ASS1: variants seen among roughly 807,000 people sequenced by gnomAD.
The protein encoded by ASS1 is argininosuccinate synthase.
In ASS1, 58 loss-of-function variants were observed where a neutral mutation model predicts 60.5. The ratio of observed to expected loss-of-function variants is 0.96; its 90% confidence interval spans 0.78 to 1.19. ASS1 has a LOEUF of 1.19. ASS1 is among the 50% of genes most tolerant of loss of function. The pLI is 0.00. For missense variants in ASS1, 454 were observed against 547.3 expected (o/e 0.83, Z 1.70); for synonymous variants, 200 against 206.9 (o/e 0.97, Z 0.29).
rs557990843 is a variant in ASS1 at position 130,497,252 on chromosome 9, A to G, written c.1127+2229A>G. On this transcript the variant is annotated intron_variant, in intron 13 of 14. Coordinates refer to ENST00000352480, the MANE Select transcript of ASS1 (RefSeq NM_054012.4). Reference sequence around the variant, plus strand: ...GGAAAAAAGAGAGAAAAGCAGGAGCATTTATTCTCACTGTGTCTCCGACCA... The same window carrying G: ...GGAAAAAAGAGAGAAAAGCAGGAGCGTTTATTCTCACTGTGTCTCCGACCA... Among the ~76,000 whole-genome samples, 111 of 152,338 alleles carry G rather than the reference A, an allele frequency of 7.3e-4. 1 individual carries two copies. Among genetic ancestry groups the G allele is most frequent in the African/African-American group, 2.4e-3 (98 of 41,576 alleles).
At chr9:130,456,245 CA>C (rs1845446628) in intron 3 of ASS1, among the ~76,000 whole-genome samples, 1 of 152,224 alleles carries the variant, frequency 6.6e-6, no homozygotes, top group African/African-American at 2.4e-5. Flanking sequence ...GCAGGCAGAT[CA>C]CCTGAGGTCA....
At chr9:130,454,498 A>G (rs1333124186) in intron 3 of ASS1, 125 bp downstream of exon 3, 1 of 1,057,132 alleles carries the variant, frequency 9.5e-7, no homozygotes, top group Non-Finnish European at 1.4e-6. Flanking sequence ...AGAGTATGAG[A>G]TCATCCTGCT....
In ASS1 at chr9:130,491,311, G is replaced by C. The variant is rs146469527; in HGVS notation, c.970+1847G>C. ...AGTCATTAAGACGTGGCGGAGGAGA[G>C]AGCACCTGGCCGGGCTGCTCCGGGG... On this transcript the variant is annotated intron_variant, in intron 12 of 14. Coordinates refer to ENST00000352480, the MANE Select transcript of ASS1 (RefSeq NM_054012.4). The surrounding 1 kb of genome is among the most constrained non-coding windows in gnomAD (Gnocchi z 5.3). Among the ~76,000 whole-genome samples the C allele has an allele frequency of 6.6e-6, 1 of 152,202 alleles. No individual in the cohort carries two copies. The highest frequency in any genetic ancestry group is 2.1e-4 in the South Asian group (1 of 4,824).
intron 3 of ASS1, among the ~76,000 whole-genome samples, chr9:130,456,103 A>T (rs1215990): frequency 0.019 from 2,838 of 152,344 alleles, 89 homozygotes; most frequent in African/African-American, 0.065. Context: ...AGTTCTCAAA[A>T]CTTGTGGTCT....
At chr9:130,473,256 A>G (rs1194970414) in intron 8 of ASS1, among the ~76,000 whole-genome samples, 3 of 152,154 alleles carry the variant, frequency 2.0e-5, no homozygotes, top group Non-Finnish European at 4.4e-5. Context: ...CTCCTTGCCC[A>G]AAGTGGGAAA....
intron 6 of ASS1, among the ~76,000 whole-genome samples, chr9:130,469,417 T>C (rs1845819796): frequency 6.6e-6 from 1 of 152,092 alleles, no homozygotes; most frequent in South Asian, 2.1e-4. Flanking sequence ...TCTTCTTTTT[T>C]TTTTCTTTTT....
rs116301216 is a variant in ASS1 at position 130,489,672 on chromosome 9, C to A, written c.970+208C>A. On this transcript the variant is annotated intron_variant, in intron 12 of 14. Transcript: ENST00000352480. The surrounding 1 kb of genome is among the most constrained non-coding windows in gnomAD (Gnocchi z 4.1). ...TGAGGGAGCAAGGGGATGCTAGAACCTGCCTTGCCATGGGGTGTGTCCAGG... is the reference window on the plus strand; with the variant it reads ...TGAGGGAGCAAGGGGATGCTAGAACATGCCTTGCCATGGGGTGTGTCCAGG... 0.011 allele frequency among the ~76,000 whole-genome samples: 1,674 copies of A among 152,316 alleles called. 39 individuals carry two copies. Among genetic ancestry groups the A allele is most frequent in the African/African-American group, 0.038 (1,592 of 41,568 alleles).
At chr9:130,462,292 T>A (rs940930742) in intron 4 of ASS1, among the ~76,000 whole-genome samples, 3 of 152,176 alleles carry the variant, frequency 2.0e-5, no homozygotes, top group African/African-American at 7.2e-5. Context: ...AGTGGGACCG[T>A]GTTTACATGC....
chr9:130,455,704 C>A (rs987907164), intron 3 of ASS1, among the ~76,000 whole-genome samples: 1 of 152,256 alleles, frequency 6.6e-6, no homozygotes, highest in Non-Finnish European at 1.5e-5. Context: ...CATGGAGAAG[C>A]CCTTGCCACT....
At chr9:130,452,503 C>A (rs1446118014) in intron 2 of ASS1, among the ~76,000 whole-genome samples, 170 bp downstream of exon 2, 1 of 152,172 alleles carries the variant, frequency 6.6e-6, no homozygotes. Flanking sequence ...AATAGCTTCT[C>A]GTTGTACTGC....
intron 1 of ASS1, chr9:130,451,754 C>T: frequency 4.6e-6 from 2 of 435,102 alleles, no homozygotes; most frequent in Middle Eastern, 3.5e-4. Flanking sequence ...CTCAGGGGCA[C>T]AGGGAGATCC....
chr9:130,462,327 A>C (rs1313749600), intron 4 of ASS1, among the ~76,000 whole-genome samples: 1 of 152,122 alleles, frequency 6.6e-6, no homozygotes, highest in Non-Finnish European at 1.5e-5. Flanking sequence ...GTGCACAAAT[A>C]TCAGCATGCG....
Position 130,489,240 on chromosome 9 carries a change from TTATTA to T in ASS1, c.839-91_839-87del. ...TCTCCTGTCAGACGACTCATTATTA[TTATTA>T]TTTTTTTTTTTGTCATTTGCTGACA... On this transcript the variant is annotated intron_variant, in intron 11 of 14. Coordinates refer to ENST00000352480, the MANE Select transcript of ASS1 (RefSeq NM_054012.4). The surrounding 1 kb of genome is among the most constrained non-coding windows in gnomAD (Gnocchi z 4.1). 1 of 1,527,332 alleles carries T rather than the reference TTATTA, an allele frequency of 6.5e-7. No individual in the cohort carries two copies. Among genetic ancestry groups the T allele is most frequent in the Non-Finnish European group, 9.0e-7 (1 of 1,114,194 alleles). 94.6% of individuals were successfully genotyped at this position (1,527,332 alleles called of 1,614,324 possible).
At position 130,494,105 on chromosome 9, in the gene ASS1, C is replaced by A. The variant is rs2118878288; in HGVS notation, c.971-762C>A. Reference sequence around the variant, plus strand: ...GAAAGGGGAGAGGCTAAGAGAGTTTCTCTCAGAGTGCTGTCTATGAGGATT... The same window carrying A: ...GAAAGGGGAGAGGCTAAGAGAGTTTATCTCAGAGTGCTGTCTATGAGGATT... On this transcript the variant is annotated intron_variant, in intron 12 of 14. Transcript: ENST00000352480. This position sits in a 1 kb window ranked among gnomAD's most constrained non-coding sequence, Gnocchi z 4.3. Among the ~76,000 whole-genome samples, 1 of 152,320 alleles carries A rather than the reference C, an allele frequency of 6.6e-6. No homozygotes were observed. The highest frequency in any genetic ancestry group is 2.1e-4 in the South Asian group (1 of 4,822).
chr9:130,462,202 C>T (rs111415415), intron 4 of ASS1, among the ~76,000 whole-genome samples: 2,873 of 152,254 alleles, frequency 0.019, 121 homozygotes, highest in African/African-American at 0.065. Flanking sequence ...AGACTCTAGC[C>T]GGGGAGCGAG....
Position 130,489,259 on chromosome 9 carries a change from C to A in ASS1, c.839-74C>A. The A allele has an allele frequency of 1.3e-6, 2 of 1,508,462 alleles. No homozygotes were observed. Among genetic ancestry groups the A allele is most frequent in the Non-Finnish European group, 1.8e-6 (2 of 1,109,640 alleles). The allele number at this position is 1,508,462 out of a possible 1,614,324, so 93.4% of individuals were successfully genotyped here. On this transcript the variant is annotated intron_variant, in intron 11 of 14. Transcript: ENST00000352480. The surrounding 1 kb of genome is among the most constrained non-coding windows in gnomAD (Gnocchi z 4.1). ...TTATTATTATTATTTTTTTTTTTGT[C>A]ATTTGCTGACAGTTTGGGTTTCATG...
chr9:130,452,069 A>C (rs1845339845), intron 1 of ASS1, 155 bp from the exon 2 acceptor site: 1 of 720,888 alleles, frequency 1.4e-6, no homozygotes, highest in African/African-American at 1.7e-5. Flanking sequence ...GGTGGCAGGC[A>C]CTGAAGGTGA....
At position 130,463,168 on chromosome 9, in the gene ASS1, A is replaced by G. The variant is rs187937645; in HGVS notation, c.364-943A>G. On this transcript the variant is annotated intron_variant, in intron 4 of 14. Coordinates refer to ENST00000352480, the MANE Select transcript of ASS1 (RefSeq NM_054012.4). ...TTCCCACCGCTGCCTGGCTGCGCCCATGCAGTTTTCACAGTAGGCAAAAGG... is the reference window on the plus strand; with the variant it reads ...TTCCCACCGCTGCCTGGCTGCGCCCGTGCAGTTTTCACAGTAGGCAAAAGG... 2.0e-5 allele frequency among the ~76,000 whole-genome samples: 3 copies of G among 152,352 alleles called. No individual in the cohort carries two copies. In the East Asian group the frequency reaches 5.8e-4, roughly 29 times the overall value.
At chr9:130,482,703 T>A (rs1846202060) in intron 11 of ASS1, among the ~76,000 whole-genome samples, 1 of 152,228 alleles carries the variant, frequency 6.6e-6, no homozygotes, top group South Asian at 2.1e-4. Context: ...GGCTGGACCT[T>A]TTTCCCAGAA....
Sources: allele counts gnomAD v4.1 joint callset (sites outside exome capture counted in the v4.1 genomes callset), GRCh38; gene constraint gnomAD v4.1.1; non-coding constraint Gnocchi (gnomAD v3.1); transcripts MANE v1.5; gene names NCBI Gene and HGNC (gene_info 2026-07-23, HGNC 2026-07-21).